CCDC91: variants seen among roughly 807,000 people sequenced by gnomAD.
CCDC91 encodes coiled-coil domain containing 91.
CCDC91 carries 48 observed loss-of-function variants against 63.2 expected under a neutral mutation model. The observed-to-expected ratio is 0.76, with a 90% CI of 0.60 to 0.97. The LOEUF is 0.97. Among genes scored for constraint, CCDC91 ranks in the 50% least tolerant of loss-of-function variants. The pLI, the probability that CCDC91 is intolerant of heterozygous loss-of-function variation, is 0.00. For missense variants in CCDC91, 500 were observed against 494.6 expected (o/e 1.01, Z -0.10); for synonymous variants, 167 against 165.8 (o/e 1.01, Z -0.06).
In CCDC91 at chr12:28,504,975, A is replaced by G. The variant is rs772360967; in HGVS notation, c.1215+20810A>G. ...AGAAAAACCTAAACTATACACTTCA[A>G]ACTCTAAAAGCTATTTCCAATAGTA... On this transcript the variant is annotated intron_variant, in intron 12 of 12. Transcript: ENST00000536442. Among the ~76,000 whole-genome samples the G allele has an allele frequency of 5.9e-5, 9 of 151,950 alleles. No individual in the cohort carries two copies. The East Asian group carries it at 1.6e-3, about 26-fold the overall frequency.
chr12:28,473,128 A>G (rs1329626653), intron 11 of CCDC91, among the ~76,000 whole-genome samples: 3 of 152,208 alleles, frequency 2.0e-5, no homozygotes, highest in African/African-American at 7.2e-5. Context: ...TTGAAACAAA[A>G]GCTAATGTCT....
At chr12:28,295,100 A>G (rs1949480989) in intron 3 of CCDC91, among the ~76,000 whole-genome samples, 3 of 152,306 alleles carry the variant, frequency 2.0e-5, no homozygotes, top group Admixed American at 6.5e-5. Flanking sequence ...GAACTGATAG[A>G]CATGAAATTC....
rs1413728577 is a variant in CCDC91, at chr12:28,344,645, A to G, written c.577-17793A>G. ...AACTAATGTTTCCTGACTGGTTACTATGTGCAAGGCACTATGCTATCTACT... is the reference window on the plus strand; with the variant it reads ...AACTAATGTTTCCTGACTGGTTACTGTGTGCAAGGCACTATGCTATCTACT... On this transcript the variant is annotated intron_variant, in intron 6 of 12. Coordinates refer to ENST00000536442, the MANE Select transcript of CCDC91 (RefSeq NM_018318.5). Among the ~76,000 whole-genome samples, 3 of 152,290 alleles carry G rather than the reference A, an allele frequency of 2.0e-5. 1 individual carries two copies. In the South Asian group the frequency reaches 6.2e-4, roughly 32 times the overall value.
Position 28,326,391 on chromosome 12 carries a change from GT to G in CCDC91, c.576+18651del, listed in dbSNP as rs56061389. ...TATTTTTATTTTTTATGTTAGAATT[GT>G]TTTTTTTTAAATTTATTATTATTAT... On this transcript the variant is annotated intron_variant, in intron 6 of 12. Transcript: ENST00000536442. 5.0e-4 allele frequency among the ~76,000 whole-genome samples: 75 copies of G among 149,444 alleles called. 1 individual carries two copies. Among genetic ancestry groups the G allele is most frequent in the African/African-American group, 1.7e-3 (70 of 40,808 alleles).
chr12:28,282,144 A>G (rs1948646756), intron 3 of CCDC91, among the ~76,000 whole-genome samples: 1 of 152,196 alleles, frequency 6.6e-6, no homozygotes, highest in South Asian at 2.1e-4. Flanking sequence ...AGCCTCACGT[A>G]CTACCGTTAA....
chr12:28,414,566 T>C (rs981446093), intron 8 of CCDC91, among the ~76,000 whole-genome samples: 1 of 152,220 alleles, frequency 6.6e-6, no homozygotes, highest in African/African-American at 2.4e-5. Context: ...GAATGGGTGC[T>C]TTATGCCTGG....
intron 3 of CCDC91, among the ~76,000 whole-genome samples, chr12:28,284,214 A>C (rs2136637170): frequency 6.6e-6 from 1 of 152,214 alleles, no homozygotes; most frequent in South Asian, 2.1e-4. Context: ...AATACTGATA[A>C]ACTTTGTTTT....
chr12:28,540,601 C>T (rs1333417888), intron 12 of CCDC91, among the ~76,000 whole-genome samples: 1 of 152,168 alleles, frequency 6.6e-6, no homozygotes, highest in African/African-American at 2.4e-5. Context: ...AGCCCTGCTA[C>T]TTGGGCAAGT....
At position 28,530,936 on chromosome 12, in the gene CCDC91, T is replaced by C. The variant is rs555162666; in HGVS notation, c.1216-18127T>C. Among the ~76,000 whole-genome samples the C allele has an allele frequency of 2.6e-5, 4 of 152,214 alleles. No individual in the cohort carries two copies. In the South Asian group the frequency reaches 8.3e-4, roughly 32 times the overall value. On this transcript the variant is annotated intron_variant, in intron 12 of 12. Coordinates refer to ENST00000536442, the MANE Select transcript of CCDC91 (RefSeq NM_018318.5). ...AGTTATAAGAGGGCTTGAGGCTCTCTCTCACCTTCTGTTTGCCCTTCCAGC... is the reference window on the plus strand; with the variant it reads ...AGTTATAAGAGGGCTTGAGGCTCTCCCTCACCTTCTGTTTGCCCTTCCAGC...
intron 1 of CCDC91, among the ~76,000 whole-genome samples, chr12:28,248,015 A>C (rs1224306556): frequency 6.6e-6 from 1 of 152,178 alleles, no homozygotes; most frequent in Non-Finnish European, 1.5e-5. Flanking sequence ...CCTGCTGTGC[A>C]GCCTGGTTCC....
At chr12:28,447,383 A>C (rs1460550641) in intron 8 of CCDC91, among the ~76,000 whole-genome samples, 1 of 152,004 alleles carries the variant, frequency 6.6e-6, no homozygotes, top group Non-Finnish European at 1.5e-5. Context: ...AAGTGTTATC[A>C]GTGATTTTCT....
intron 1 of CCDC91, among the ~76,000 whole-genome samples, chr12:28,224,640 C>CATCT (rs1335626464): frequency 2.6e-5 from 4 of 152,132 alleles, no homozygotes; most frequent in African/African-American, 9.7e-5. Flanking sequence ...GGAGGGTTTG[C>CATCT]ATCTGTAGGT....
At chr12:28,291,894 G>A (rs1315584192) in intron 3 of CCDC91, among the ~76,000 whole-genome samples, 4 of 152,056 alleles carry the variant, frequency 2.6e-5, no homozygotes, top group African/African-American at 9.7e-5. Flanking sequence ...GCTCTCAATT[G>A]GTTGTTGTCA....
At chr12:28,403,387 C>T in intron 8 of CCDC91, among the ~76,000 whole-genome samples, 1 of 152,022 alleles carries the variant, frequency 6.6e-6, no homozygotes, top group East Asian at 1.9e-4. Flanking sequence ...GTTCTAGAGA[C>T]TAAGAAGTCC....
At chr12:28,323,985 C>T (rs1439365959) in intron 6 of CCDC91, among the ~76,000 whole-genome samples, 1 of 151,848 alleles carries the variant, frequency 6.6e-6, no homozygotes. Context: ...TTGAGTAACA[C>T]TAAACATACT....
intron 1 of CCDC91, among the ~76,000 whole-genome samples, chr12:28,191,877 C>G (rs116497852): frequency 0.018 from 2,721 of 152,202 alleles, 69 homozygotes; most frequent in African/African-American, 0.062. Flanking sequence ...AGAGAATTGC[C>G]CTGGTTACGA....
intron 3 of CCDC91, among the ~76,000 whole-genome samples, chr12:28,294,588 C>T (rs1309612185): frequency 6.6e-6 from 1 of 151,862 alleles, no homozygotes; most frequent in African/African-American, 2.4e-5. Flanking sequence ...AACCTGCTTC[C>T]TCTTTTTTTT....
At chr12:28,529,435 G>T (rs1487178453) in intron 12 of CCDC91, among the ~76,000 whole-genome samples, 2 of 152,134 alleles carry the variant, frequency 1.3e-5, no homozygotes, top group Admixed American at 1.3e-4. Flanking sequence ...CTTTAGCTGA[G>T]TTTTCTACTC....
intron 3 of CCDC91, 45 bp downstream of exon 3, chr12:28,259,487 TGTAACA>T (rs1373451621): frequency 9.7e-6 from 12 of 1,236,176 alleles, no homozygotes; most frequent in South Asian, 1.3e-5. Flanking sequence ...TTTTTTCCCA[TGTAACA>T]TTTTTGGCAA....
Sources: allele counts gnomAD v4.1 joint callset (sites outside exome capture counted in the v4.1 genomes callset), GRCh38; gene constraint gnomAD v4.1.1; transcripts MANE v1.5; gene names NCBI Gene and HGNC (gene_info 2026-07-23, HGNC 2026-07-21).